ODR4: variants seen among roughly 807,000 people sequenced by gnomAD.
The protein encoded by ODR4 is protein odr-4 homolog.
ODR4 carries 47 observed loss-of-function variants against 60.2 expected under a neutral mutation model. The ratio of observed to expected loss-of-function variants is 0.78; its 90% CI spans 0.62 to 1.00. The LOEUF is 1.00. ODR4 is among the 50% of genes least tolerant of loss of function. The pLI is 0.00. For missense variants in ODR4, 488 were observed against 530.8 expected (o/e 0.92, Z 0.79); for synonymous variants, 178 against 175.5 (o/e 1.01, Z -0.11).
intron 6 of ODR4, 141 bp downstream of exon 6, chr1:186,389,765 TATG>T (rs1281435189): frequency 4.9e-6 from 3 of 609,242 alleles, no homozygotes; most frequent in African/African-American, 1.9e-5. Context: ...TATTTTGAAA[TATG>T]ATTAATTTTA....
chr1:186,430,306 T>A, the ODR4 span, among the ~76,000 whole-genome samples: 1 of 152,168 alleles, frequency 6.6e-6, no homozygotes, highest in African/African-American at 2.4e-5. Context: ...ACTATGGAAC[T>A]TCTGATCCCA....
intron 11 of ODR4, among the ~76,000 whole-genome samples, chr1:186,399,554 A>G (rs1171127444): frequency 1.3e-5 from 2 of 152,142 alleles, no homozygotes; most frequent in East Asian, 1.9e-4. Flanking sequence ...AAATTTGTCA[A>G]CAATTAAGAA....
At chr1:186,376,267 A>T (rs1659759827) in intron 1 of ODR4, among the ~76,000 whole-genome samples, 1 of 152,172 alleles carries the variant, frequency 6.6e-6, no homozygotes, top group African/African-American at 2.4e-5. Context: ...TTTTCGTTGC[A>T]GAAACGGTTA....
intron 2 of ODR4, among the ~76,000 whole-genome samples, chr1:186,380,511 G>C (rs1359153099): frequency 6.6e-6 from 1 of 150,744 alleles, no homozygotes; most frequent in Non-Finnish European, 1.5e-5. Flanking sequence ...CCATGCCACT[G>C]ATTTCTTATG....
intron 11 of ODR4, among the ~76,000 whole-genome samples, chr1:186,403,213 A>G (rs1484179462): frequency 6.6e-6 from 1 of 152,144 alleles, no homozygotes; most frequent in Non-Finnish European, 1.5e-5. Flanking sequence ...TAAGTGTGAT[A>G]ATATAAATAA....
intron 9 of ODR4, among the ~76,000 whole-genome samples, chr1:186,396,881 G>T (rs2102050597): frequency 6.6e-6 from 1 of 152,054 alleles, no homozygotes; most frequent in Admixed American, 6.5e-5. Flanking sequence ...GAGTAGTTTT[G>T]TCTACAATAA....
At chr1:186,425,794 A>G (rs1400818924), downstream of ODR4, among the ~76,000 whole-genome samples, 1 of 152,204 alleles carries the variant, frequency 6.6e-6, no homozygotes, top group East Asian at 1.9e-4. Flanking sequence ...ATGGTTTACT[A>G]ACAATTCTTG....
intron 8 of ODR4, among the ~76,000 whole-genome samples, chr1:186,392,478 C>G (rs959457250): frequency 3.9e-5 from 6 of 152,158 alleles, no homozygotes; most frequent in Non-Finnish European, 8.8e-5. Context: ...GAGATCATGT[C>G]CTTTGCAGGA....
intron 1 of ODR4, among the ~76,000 whole-genome samples, chr1:186,377,192 T>C (rs1484901849): frequency 6.6e-6 from 1 of 152,182 alleles, no homozygotes; most frequent in Non-Finnish European, 1.5e-5. Flanking sequence ...GTTTAGGGAA[T>C]AGTGACAAGA....
downstream of ODR4, among the ~76,000 whole-genome samples, chr1:186,424,011 T>C (rs777141636): frequency 3.3e-5 from 5 of 152,180 alleles, no homozygotes; most frequent in Non-Finnish European, 5.9e-5. Flanking sequence ...CAGAAAGCAA[T>C]TTGGCACTAT....
intron 11 of ODR4, among the ~76,000 whole-genome samples, chr1:186,403,679 A>C (rs1198065472): frequency 2.6e-5 from 4 of 152,120 alleles, no homozygotes; most frequent in Non-Finnish European, 2.9e-5. Context: ...AAAAAAAAAA[A>C]AAAACTCCAA....
At chr1:186,377,852 T>G (rs1375648247) in intron 1 of ODR4, among the ~76,000 whole-genome samples, 1 of 152,158 alleles carries the variant, frequency 6.6e-6, no homozygotes, top group Non-Finnish European at 1.5e-5. Context: ...GAGACTATCC[T>G]GGCTAACACG....
chr1:186,402,187 A>ATTCTCTTTCT (rs1660989738), intron 11 of ODR4, among the ~76,000 whole-genome samples: 1 of 135,424 alleles, frequency 7.4e-6, no homozygotes, highest in Non-Finnish European at 1.6e-5. Flanking sequence ...TAGGCATCCT[A>ATTCTCTTTCT]TTCTTTCTTT....
At chr1:186,379,926 C>T in intron 2 of ODR4, 42 bp downstream of exon 2, 1 of 1,120,964 alleles carries the variant, frequency 8.9e-7, no homozygotes. Flanking sequence ...AATAATTACT[C>T]TGTAATTTAT....
the ODR4 span, among the ~76,000 whole-genome samples, chr1:186,432,095 C>T: frequency 2.6e-5 from 4 of 152,090 alleles, no homozygotes; most frequent in Non-Finnish European, 5.9e-5. Flanking sequence ...TTGGTAGCTT[C>T]TCATATATGG....
chr1:186,419,017 G>A lies in ODR4; in HGVS notation c.1306G>A (p.Ala436Thr), dbSNP rs768541400. Residue 436 changes from alanine to threonine, a missense_variant, in exon 14 of 14, where the codon GCA becomes ACA. Transcript: ENST00000287859. ...GTTTGTTTTACTTTTAGGTGTGATT[G>A]CAGCATTTACAGTTGCAGTCCTTGC... ...LKIQQNIGVI[A>T]AFTVAVLAAG... 14 of 1,606,978 alleles carry A rather than the reference G, an allele frequency of 8.7e-6. No homozygotes were observed. The South Asian group carries it at 1.5e-4, about 17-fold the overall frequency.
At chr1:186,417,880 C>T (rs1023518143) in intron 13 of ODR4, among the ~76,000 whole-genome samples, 3 of 152,012 alleles carry the variant, frequency 2.0e-5, no homozygotes, top group Non-Finnish European at 2.9e-5. Flanking sequence ...ATTTTTAAAA[C>T]GTTCTTAAAA....
At chr1:186,433,874 T>G in the ODR4 span, among the ~76,000 whole-genome samples, 4 of 152,158 alleles carry the variant, frequency 2.6e-5, no homozygotes, top group Admixed American at 2.0e-4. Context: ...CCACCGCGCC[T>G]GGCCAGTTGC....
Position 186,388,424 on chromosome 1 carries a change from T to A in ODR4, c.331-18T>A. On this transcript the variant is annotated intron_variant, in intron 4 of 13. Coordinates refer to ENST00000287859, the MANE Select transcript of ODR4 (RefSeq NM_017847.6). ...TTTCATTTTACATTCAATTAGTGTG[T>A]ATTTTTCTCTCTTTCAGCTAATGTT... The A allele has an allele frequency of 7.1e-7, 1 of 1,402,778 alleles. No individual in the cohort carries two copies. Among genetic ancestry groups the A allele is most frequent in the Non-Finnish European group, 9.7e-7 (1 of 1,032,380 alleles). 86.9% of individuals were successfully genotyped at this position (1,402,778 alleles called of 1,614,324 possible).
Sources: gnomAD v4.1 joint callset for allele counts (sites outside exome capture counted in the v4.1 genomes callset) on GRCh38, gnomAD v4.1.1 for gene constraint, MANE v1.5 for transcripts, NCBI Gene and HGNC (gene_info 2026-07-23, HGNC 2026-07-21) for gene names.